Variants in RAB11FIP4 observed in about 807,000 individuals in gnomAD.
The protein encoded by RAB11FIP4 is rab11 family-interacting protein 4.
Under a neutral mutation model 74.3 loss-of-function variants are expected in RAB11FIP4, and 23 were observed. That is an observed-to-expected ratio of 0.31 (90% CI 0.22 to 0.44). The LOEUF is 0.44. Among genes scored for constraint, RAB11FIP4 ranks in the 20% least tolerant of loss-of-function variants. RAB11FIP4 has a pLI of 1.00. For synonymous variants in RAB11FIP4, 360 were observed against 359.9 expected, an observed-to-expected ratio of 1.00 and a Z score of 0.00; for missense variants, 630 against 863.9, an observed-to-expected ratio of 0.73 and a Z score of 3.39.
intron 1 of RAB11FIP4, among the ~76,000 whole-genome samples, chr17:31,400,092 G>T (rs748046318): frequency 2.0e-5 from 3 of 151,942 alleles, no homozygotes; most frequent in Non-Finnish European, 4.4e-5. Flanking sequence ...GGTACCTACT[G>T]TGTGCCAACC....
chr17:31,486,992 G>A (rs1427628905), intron 3 of RAB11FIP4, among the ~76,000 whole-genome samples: 1 of 152,336 alleles, frequency 6.6e-6, no homozygotes. Context: ...ATGTGTGGGT[G>A]TGGGTGGGTG....
At chr17:31,415,366 G>A (rs2071137248) in intron 1 of RAB11FIP4, among the ~76,000 whole-genome samples, 1 of 152,240 alleles carries the variant, frequency 6.6e-6, no homozygotes, top group Non-Finnish European at 1.5e-5. Flanking sequence ...TTATAGAAGA[G>A]GGGAAGTAAA....
intron 1 of RAB11FIP4, among the ~76,000 whole-genome samples, chr17:31,425,203 G>A (rs756900978): frequency 5.9e-5 from 9 of 152,302 alleles, no homozygotes; most frequent in Non-Finnish European, 1.2e-4. Flanking sequence ...TTCCCAGGTG[G>A]TGGCGAGGAT....
chr17:31,450,846 A>G (rs1422206481), intron 3 of RAB11FIP4, among the ~76,000 whole-genome samples: 2 of 148,698 alleles, frequency 1.3e-5, no homozygotes, highest in Non-Finnish European at 2.9e-5. Context: ...ACACCCTTTG[A>G]TCTGATCCAG....
rs544068580 is a variant in RAB11FIP4 at position 31,519,090 on chromosome 17, C to T, written c.563+1213C>T. On this transcript the variant is annotated intron_variant, in intron 4 of 14. Transcript: ENST00000621161. ...AGTGCAGTGGTGCAATCTCAGCTCA[C>T]TGCAACCTCCACCTCCCGGGTTCAT... is the stretch of plus-strand genomic sequence containing the variant. Among the ~76,000 whole-genome samples, 10 of 145,630 alleles carry T rather than the reference C, an allele frequency of 6.9e-5. No individual in the cohort carries two copies. In the East Asian group the frequency reaches 2.2e-3, roughly 32 times the overall value.
intron 3 of RAB11FIP4, among the ~76,000 whole-genome samples, chr17:31,459,924 G>C (rs573907165): frequency 6.6e-6 from 1 of 152,140 alleles, no homozygotes; most frequent in African/African-American, 2.4e-5. Flanking sequence ...GACTGGCTCA[G>C]GACAGAAGTA....
chr17:31,434,361 G>A (rs1416632760), intron 3 of RAB11FIP4, among the ~76,000 whole-genome samples: 6 of 152,168 alleles, frequency 3.9e-5, no homozygotes, highest in African/African-American at 9.7e-5. Context: ...TCTGTGGCAC[G>A]GAGGAGAGAC....
At chr17:31,435,891 G>T (rs1307655178) in intron 3 of RAB11FIP4, among the ~76,000 whole-genome samples, 1 of 152,274 alleles carries the variant, frequency 6.6e-6, no homozygotes, top group Non-Finnish European at 1.5e-5. Context: ...GATGCGTGGA[G>T]ATAGCTGGGC....
At chr17:31,426,421 G>A (rs545581905) in intron 1 of RAB11FIP4, among the ~76,000 whole-genome samples, 15 of 149,546 alleles carry the variant, frequency 1.0e-4, no homozygotes, top group Non-Finnish European at 1.6e-4. Context: ...AGGATTAAAT[G>A]AGACTATGTG....
chr17:31,435,639 C>T (rs149415049), intron 3 of RAB11FIP4, among the ~76,000 whole-genome samples: 64 of 152,330 alleles, frequency 4.2e-4, no homozygotes, highest in Middle Eastern at 3.4e-3. Context: ...GATCCAGGAC[C>T]CCAGAGGCCA....
chr17:31,446,041 T>C (rs2071460912), intron 3 of RAB11FIP4, among the ~76,000 whole-genome samples: 1 of 152,074 alleles, frequency 6.6e-6, no homozygotes, highest in African/African-American at 2.4e-5. Context: ...TTTTCTTTTT[T>C]TTTACTCCTA....
At chr17:31,496,311 A>G (rs1274102501) in intron 3 of RAB11FIP4, among the ~76,000 whole-genome samples, 1 of 152,172 alleles carries the variant, frequency 6.6e-6, no homozygotes, top group East Asian at 1.9e-4. Context: ...TTTTCCTCCC[A>G]CCACATATGA....
At chr17:31,500,411 G>A (rs2097719) in intron 3 of RAB11FIP4, among the ~76,000 whole-genome samples, 101,845 of 151,972 alleles carry the variant, frequency 0.67, 34,859 homozygotes, top group African/African-American at 0.82. Flanking sequence ...CCAGATGTCA[G>A]GTAGCCAGAA....
In RAB11FIP4 at chr17:31,512,086, C is replaced by T. The variant is rs1175407461; in HGVS notation, c.337-5565C>T. Among the ~76,000 whole-genome samples, 1 of 152,202 alleles carries T rather than the reference C, an allele frequency of 6.6e-6. No homozygotes were observed. The highest frequency in any genetic ancestry group is 2.4e-5 in the African/African-American group (1 of 41,458). ...CTCAGGTAATTCCTCAGCTTGGCTT[C>T]TCTGAGGAGGGTGGGCGTCCCTCCT... On this transcript the variant is annotated intron_variant, in intron 3 of 14. Coordinates refer to ENST00000621161, the MANE Select transcript of RAB11FIP4 (RefSeq NM_032932.6). This position sits in a 1 kb window ranked among gnomAD's most constrained non-coding sequence, Gnocchi z 4.1.
intron 6 of RAB11FIP4, 69 bp downstream of exon 6, chr17:31,522,118 C>A: frequency 6.3e-7 from 1 of 1,595,250 alleles, no homozygotes; most frequent in Non-Finnish European, 8.6e-7. Context: ...GGAGAAGCTA[C>A]GGGCATGGCG....
intron 13 of RAB11FIP4, 24 bp downstream of exon 13, chr17:31,528,802 CA>C (rs757222488): frequency 1.9e-5 from 31 of 1,592,814 alleles, no homozygotes; most frequent in Non-Finnish European, 2.7e-5. Context: ...TCTCTGTGTC[CA>C]GTGGGGCAGG....
intron 1 of RAB11FIP4, among the ~76,000 whole-genome samples, chr17:31,426,853 G>A (rs1032614412): frequency 1.3e-5 from 2 of 152,120 alleles, no homozygotes; most frequent in Non-Finnish European, 2.9e-5. Context: ...GCCCACCTTG[G>A]CCTCCCAAAG....
Position 31,391,899 on chromosome 17 carries a change from G to C in RAB11FIP4, c.47G>C (p.Arg16Pro). The C allele has an allele frequency of 1.5e-6, 2 of 1,308,136 alleles. No homozygotes were observed. The highest frequency in any genetic ancestry group is 2.0e-6 in the Non-Finnish European group (2 of 1,025,498). The allele number at this position is 1,308,136 out of a possible 1,614,324, so 81.0% of individuals were successfully genotyped here. ...TCGGGCGCCCCCGCGGCTCTGCTGCGCTCCGTGCGCCGCCTGCGCGAGGTG... is the reference window on the plus strand; with the variant it reads ...TCGGGCGCCCCCGCGGCTCTGCTGCCCTCCGTGCGCCGCCTGCGCGAGGTG... Reference protein sequence around the residue: ...GWSGAPAALLRSVRRLREVFE... With the variant: ...GWSGAPAALLPSVRRLREVFE... The change falls in exon 1 of 15, where the codon CGC becomes CCC. Residue 16 changes from arginine (R) to proline (P), a missense_variant. Arg to Pro is a moderately radical substitution (Grantham distance 103, BLOSUM62 -2). Coordinates refer to ENST00000621161, the MANE Select transcript of RAB11FIP4 (RefSeq NM_032932.6).
intron 3 of RAB11FIP4, among the ~76,000 whole-genome samples, chr17:31,443,907 C>T (rs1428852853): frequency 6.6e-6 from 1 of 152,130 alleles, no homozygotes; most frequent in Admixed American, 6.5e-5. Context: ...AGAGCAAGAC[C>T]CTATCTAAAA....
Sources: allele counts gnomAD v4.1 joint callset (sites outside exome capture counted in the v4.1 genomes callset), GRCh38; gene constraint gnomAD v4.1.1; non-coding constraint Gnocchi (gnomAD v3.1); transcripts MANE v1.5; gene names NCBI Gene and HGNC (gene_info 2026-07-23, HGNC 2026-07-21).